The following SULF2 variants were observed in gnomAD, a reference collection of about 807,000 sequenced individuals.
SULF2 encodes the protein sulfatase 2, also known as extracellular sulfatase Sulf-2.
SULF2 carries 52 observed loss-of-function variants against 107.7 expected under a neutral mutation model. The observed-to-expected ratio is 0.48, with a 90% CI of 0.39 to 0.61. The LOEUF is 0.61. Ranked by LOEUF, SULF2 falls within the 20% of genes least tolerant of loss-of-function variation. The pLI is 0.00. For missense variants in SULF2, 993 were observed against 1,177.3 expected (o/e 0.84, Z 2.29); for synonymous variants, 460 against 464.3 (o/e 0.99, Z 0.12).
intron 2 of SULF2, among the ~76,000 whole-genome samples, chr20:47,755,477 C>T (rs2090259316): frequency 6.6e-6 from 1 of 152,124 alleles, no homozygotes; most frequent in Admixed American, 6.5e-5. Flanking sequence ...AGTGGGTATT[C>T]AGCCACTCAC....
At chr20:47,722,729 C>T (rs1039612560) in intron 3 of SULF2, among the ~76,000 whole-genome samples, 2 of 151,896 alleles carry the variant, frequency 1.3e-5, no homozygotes, top group African/African-American at 2.4e-5. Flanking sequence ...GTCAGGAGTT[C>T]GAGACCAGCC....
chr20:47,731,187 C>CTCTCTCTTT (rs1186229502), intron 3 of SULF2, among the ~76,000 whole-genome samples: 1 of 81,180 alleles, frequency 1.2e-5, no homozygotes, highest in African/African-American at 6.2e-5. Context: ...TGTATCTTCT[C>CTCTCTCTTT]TTTTTTTTTT....
chr20:47,700,447 G>A (rs1190394326), intron 4 of SULF2, among the ~76,000 whole-genome samples: 2 of 152,048 alleles, frequency 1.3e-5, no homozygotes, highest in Admixed American at 6.6e-5. Context: ...TATTTACTAC[G>A]TGCAAGGGGC....
intron 5 of SULF2, among the ~76,000 whole-genome samples, chr20:47,689,277 A>T (rs1467881779): frequency 6.6e-6 from 1 of 152,228 alleles, no homozygotes; most frequent in African/African-American, 2.4e-5. Context: ...TTGTAGAAGG[A>T]CCGGTCTGTG....
chr20:47,696,832 C>T (rs1395362565), intron 4 of SULF2, among the ~76,000 whole-genome samples: 1 of 152,180 alleles, frequency 6.6e-6, no homozygotes, highest in Non-Finnish European at 1.5e-5. Flanking sequence ...CCGGCCTCAT[C>T]CTTTGCCGAG....
chr20:47,758,794 G>A (rs1305656272), intron 1 of SULF2, among the ~76,000 whole-genome samples: 2 of 152,336 alleles, frequency 1.3e-5, no homozygotes, highest in African/African-American at 2.4e-5. Context: ...GCCACAGCCT[G>A]CAGATGTGCC....
rs1180176348 is a variant in SULF2 at position 47,680,108 on chromosome 20, T to C, written c.1065-1304A>G. On this transcript the variant is annotated intron_variant, in intron 7 of 20. Coordinates refer to ENST00000688720, the MANE Select transcript of SULF2 (RefSeq NM_001387048.1). This position sits in a 1 kb window ranked among gnomAD's most constrained non-coding sequence, Gnocchi z 4.2. Reference sequence around the variant, plus strand: ...CCATACATCTGCCACCTTTCCTGGCTCCTGTTTCTTTTTTTGAGAGGTGTC... The same window carrying C: ...CCATACATCTGCCACCTTTCCTGGCCCCTGTTTCTTTTTTTGAGAGGTGTC... Among the ~76,000 whole-genome samples the C allele has an allele frequency of 6.6e-6, 1 of 152,146 alleles. No individual in the cohort carries two copies. The highest frequency in any genetic ancestry group is 1.5e-5 in the Non-Finnish European group (1 of 68,028).
intron 17 of SULF2, among the ~76,000 whole-genome samples, chr20:47,662,630 C>T (rs1002497751): frequency 1.3e-5 from 2 of 152,124 alleles, no homozygotes; most frequent in African/African-American, 4.8e-5. Flanking sequence ...CCACTTCAGT[C>T]GCATGTGTGT....
intron 4 of SULF2, among the ~76,000 whole-genome samples, chr20:47,700,821 T>C (rs1233381855): frequency 6.6e-6 from 1 of 152,016 alleles, no homozygotes; most frequent in African/African-American, 2.4e-5. Flanking sequence ...AATTTTTGTA[T>C]TCTTAGTGGA....
intron 3 of SULF2, among the ~76,000 whole-genome samples, chr20:47,715,632 G>T (rs1222069810): frequency 6.6e-6 from 1 of 151,848 alleles, no homozygotes; most frequent in East Asian, 1.9e-4. Context: ...CCCAGGCTGG[G>T]GCGCAATGGC....
chr20:47,713,383 C>T (rs2146655832), intron 3 of SULF2, among the ~76,000 whole-genome samples: 1 of 152,234 alleles, frequency 6.6e-6, no homozygotes, highest in South Asian at 2.1e-4. Context: ...GTCACCAGTG[C>T]CGAGGTTGTG....
chr20:47,768,863 AGTTTGT>A (rs1424651834), intron 1 of SULF2, among the ~76,000 whole-genome samples: 1 of 143,388 alleles, frequency 7.0e-6, no homozygotes, highest in African/African-American at 2.6e-5. Flanking sequence ...CTCTGGCCTG[AGTTTGT>A]GTTTGTGTGC....
At chr20:47,774,828 G>T (rs957956367) in intron 1 of SULF2, among the ~76,000 whole-genome samples, 1 of 152,150 alleles carries the variant, frequency 6.6e-6, no homozygotes, top group Non-Finnish European at 1.5e-5. Context: ...TGTGACCAAG[G>T]TCAATCAGAC....
intron 1 of SULF2, among the ~76,000 whole-genome samples, chr20:47,770,064 T>G (rs2090601751): frequency 7.2e-6 from 1 of 138,688 alleles, no homozygotes. Flanking sequence ...TTTTTTTTTT[T>G]TTTTTTTTTT....
chr20:47,682,956 A>AG, intron 7 of SULF2, 38 bp downstream of exon 7: 1 of 1,547,834 alleles, frequency 6.5e-7, no homozygotes, highest in Non-Finnish European at 8.8e-7. Flanking sequence ...AGCTGGGCCC[A>AG]GGGGCCTCCC....
chr20:47,723,010 T>C (rs1263255053), intron 3 of SULF2, among the ~76,000 whole-genome samples: 1 of 151,964 alleles, frequency 6.6e-6, no homozygotes, highest in Non-Finnish European at 1.5e-5. Flanking sequence ...GAGGCTGCAG[T>C]GAACCAAGAT....
chr20:47,735,797 T>C (rs1054570059), intron 3 of SULF2, among the ~76,000 whole-genome samples: 2 of 152,094 alleles, frequency 1.3e-5, no homozygotes, highest in African/African-American at 4.8e-5. Context: ...ACACTGTGTA[T>C]CTGAGAGGAA....
intron 2 of SULF2, among the ~76,000 whole-genome samples, chr20:47,739,963 A>T (rs1337524871): frequency 6.6e-6 from 1 of 152,170 alleles, no homozygotes; most frequent in Non-Finnish European, 1.5e-5. Context: ...TGCTCCCTAC[A>T]GTCTTACACC....
chr20:47,775,578 A>G (rs1040874955), intron 1 of SULF2, among the ~76,000 whole-genome samples: 2 of 152,362 alleles, frequency 1.3e-5, no homozygotes, highest in East Asian at 3.9e-4. Context: ...AAATGTCACA[A>G]ATGACTATGA....
Sources: gnomAD v4.1 joint callset for allele counts (sites outside exome capture counted in the v4.1 genomes callset) on GRCh38, gnomAD v4.1.1 for gene constraint, Gnocchi (gnomAD v3.1) non-coding constraint, MANE v1.5 for transcripts, NCBI Gene and HGNC (gene_info 2026-07-23, HGNC 2026-07-21) for gene names.